Variants in KLHL36 observed in about 807,000 individuals in gnomAD.
KLHL36 encodes the protein kelch like family member 36, also known as kelch-like protein 36.
KLHL36 carries 35 observed loss-of-function variants against 53.3 expected under a neutral mutation model. That is an observed-to-expected ratio of 0.66 (90% CI 0.50 to 0.87). The LOEUF (loss-of-function observed/expected upper bound fraction) is 0.87. Among genes scored for constraint, KLHL36 ranks in the 40% least tolerant of loss-of-function variants. The pLI is 0.00. For missense variants in KLHL36, 864 were observed against 897.6 expected, an observed-to-expected ratio of 0.96 and a Z score of 0.48; for synonymous variants, 472 against 398.9, an observed-to-expected ratio of 1.18 and a Z score of -2.18.
At position 84,656,884 on chromosome 16, in the gene KLHL36, C is replaced by A. The variant is rs977028886; in HGVS notation, c.77C>A (p.Ala26Asp). ...TTCTCTGTCCAGGTATACCGCTGGG[C>A]CGACCACTCAAGCACGGTGCTGCAG... ...ISESSKVYRW[A>D]DHSSTVLQRL... The change falls in exon 3 of 5, where the codon GCC becomes GAC. Residue 26 changes from alanine to aspartate, a missense_variant. Physicochemically the swap from Ala to Asp is moderately radical, Grantham distance 126. Coordinates refer to ENST00000564996, the MANE Select transcript of KLHL36 (RefSeq NM_024731.4). The A allele has an allele frequency of 6.2e-7, 1 of 1,608,112 alleles. No individual in the cohort carries two copies. The highest frequency in any genetic ancestry group is 1.7e-5 in the Admixed American group (1 of 59,922).
chr16:84,661,755 G>C lies in KLHL36; in HGVS notation c.1473G>C (p.Leu491=). ...TARGWHSMCS[L]GDSIYSIGGS... is the part of the protein sequence containing the mutation. ...GCGGCTGGCACAGCATGTGCAGCCT[G>C]GGTGACAGCATCTACTCCATCGGGG... The change falls in exon 5 of 5, where the codon CTG becomes CTC. Residue 491 remains leucine, a synonymous_variant. Transcript: ENST00000564996. This position sits in a 1 kb window ranked among gnomAD's most constrained non-coding sequence, Gnocchi z 7.9. 6.2e-7 allele frequency: 1 copy of C among 1,613,452 alleles called. No individual in the cohort carries two copies. The highest frequency in any genetic ancestry group is 1.1e-5 in the South Asian group (1 of 91,064).
intron 1 of KLHL36, among the ~76,000 whole-genome samples, chr16:84,650,080 T>G (rs1006041983): frequency 6.6e-6 from 1 of 151,008 alleles, no homozygotes; most frequent in Non-Finnish European, 1.5e-5. Flanking sequence ...TGAGCTGGAA[T>G]CCCAATTCTG....
In KLHL36 at chr16:84,657,833, G is replaced by C; in HGVS notation, c.1026G>C (p.Val342=). ...GGCGGAGCCACCACTGTGTCGCGGT[G>C]CTGGGGGGCTTCATCTTCATCGCCG... ...PARRSHHCVA[V]LGGFIFIAGG... Residue 342 remains valine, a synonymous_variant, in exon 3 of 5, where the codon GTG becomes GTC. Transcript: ENST00000564996. 1 of 1,601,290 alleles carries C rather than the reference G, an allele frequency of 6.2e-7. No individual in the cohort carries two copies. Among genetic ancestry groups the C allele is most frequent in the South Asian group, 1.1e-5 (1 of 90,476 alleles).
Position 84,657,023 on chromosome 16 carries a change from C to G in KLHL36, c.216C>G (p.Asn72Lys), listed in dbSNP as rs1490325836. The change falls in exon 3 of 5, where the codon AAC becomes AAG. Residue 72 changes from asparagine to lysine, a missense_variant. Asn to Lys is a moderately conservative substitution (Grantham distance 94, BLOSUM62 0). Coordinates refer to ENST00000564996, the MANE Select transcript of KLHL36 (RefSeq NM_024731.4). ...NLLAVCSDYF[N>K]SMFTIGMREA... The stretch of plus-strand genomic sequence containing the variant: ...TGGCCGTGTGCAGCGACTACTTCAA[C>G]TCCATGTTCACCATCGGCATGCGGG... 6.2e-7 allele frequency: 1 copy of G among 1,614,172 alleles called. No individual in the cohort carries two copies. The highest frequency in any genetic ancestry group is 1.1e-5 in the South Asian group (1 of 91,088).
At chr16:84,651,798 G>A (rs557257301) in intron 2 of KLHL36, among the ~76,000 whole-genome samples, 1 of 152,244 alleles carries the variant, frequency 6.6e-6, no homozygotes, top group African/African-American at 2.4e-5. Context: ...CAGACATACA[G>A]TGCATCTGTG....
chr16:84,657,990 G>C, intron 3 of KLHL36, 46 bp downstream of exon 3: 1 of 1,390,198 alleles, frequency 7.2e-7, no homozygotes, highest in Non-Finnish European at 9.6e-7. Flanking sequence ...GGACTCTCTC[G>C]GTTTCCTTAA....
In KLHL36 at chr16:84,655,981, C is replaced by T. The variant is rs117298488; in HGVS notation, c.64-890C>T. 1.3e-4 allele frequency among the ~76,000 whole-genome samples: 20 copies of T among 152,182 alleles called. No individual in the cohort carries two copies. In the East Asian group the frequency reaches 3.3e-3, roughly 25 times the overall value. ...AATCATGGCTCACTGCAGCCTCAAG[C>T]TCCTGGGCTTGAGCGATCCTCCTGC... is the stretch of plus-strand genomic sequence containing the variant. On this transcript the variant is annotated intron_variant, in intron 2 of 4. Coordinates refer to ENST00000564996, the MANE Select transcript of KLHL36 (RefSeq NM_024731.4).
In KLHL36 at chr16:84,657,048, G is replaced by A; in HGVS notation, c.241G>A (p.Glu81Lys). 6.2e-7 allele frequency: 1 copy of A among 1,614,224 alleles called. No homozygotes were observed. Among genetic ancestry groups the A allele is most frequent in the Non-Finnish European group, 8.5e-7 (1 of 1,180,040 alleles). The stretch of plus-strand genomic sequence containing the variant: ...CTCCATGTTCACCATCGGCATGCGG[G>A]AAGCTTTCCAGAAGGAGGTGGAGCT... Reference protein sequence around the residue: ...FNSMFTIGMREAFQKEVELIG... With the variant: ...FNSMFTIGMRKAFQKEVELIG... Residue 81 changes from glutamate (E) to lysine (K), a missense_variant, in exon 3 of 5, where the codon GAA becomes AAA. Coordinates refer to ENST00000564996, the MANE Select transcript of KLHL36 (RefSeq NM_024731.4).
chr16:84,661,751 G>C lies in KLHL36; in HGVS notation c.1469G>C (p.Ser490Thr). ...TTARGWHSMC[S>T]LGDSIYSIGG... ...GCGCGCGGCTGGCACAGCATGTGCA[G>C]CCTGGGTGACAGCATCTACTCCATC... Residue 490 changes from serine to threonine, a missense_variant, in exon 5 of 5, where the codon AGC (serine) becomes ACC (threonine). Coordinates refer to ENST00000564996, the MANE Select transcript of KLHL36 (RefSeq NM_024731.4). The surrounding 1 kb of genome is among the most constrained non-coding windows in gnomAD (Gnocchi z 7.9). The C allele has an allele frequency of 1.2e-6, 2 of 1,613,494 alleles. No homozygotes were observed. Among genetic ancestry groups the C allele is most frequent in the Non-Finnish European group, 1.7e-6 (2 of 1,179,924 alleles).
Position 84,661,112 on chromosome 16 carries a change from T to C in KLHL36, c.1296-466T>C, listed in dbSNP as rs4782649. ...ATCCCTCCCTCCCCTCTCCCCACAG[T>C]CCTGGCAGCCACTGATTTTGCTGTC... On this transcript the variant is annotated intron_variant, in intron 4 of 4. Coordinates refer to ENST00000564996, the MANE Select transcript of KLHL36 (RefSeq NM_024731.4). This position sits in a 1 kb window ranked among gnomAD's most constrained non-coding sequence, Gnocchi z 7.9. 0.46 allele frequency among the ~76,000 whole-genome samples: 69,846 copies of C among 152,026 alleles called. 16,710 individuals carry two copies. The highest frequency in any genetic ancestry group is 0.59 in the South Asian group (2,867 of 4,830).
Position 84,665,450 on chromosome 16 carries a change from C to T in KLHL36, c.*3317C>T, listed in dbSNP as rs567812673. 19 of 152,142 alleles carry T rather than the reference C, an allele frequency of 1.2e-4. No individual in the cohort carries two copies. The highest frequency in any genetic ancestry group is 3.4e-3 in the Middle Eastern group (1 of 294). 9.4% of individuals were successfully genotyped at this position (152,142 alleles called of 1,614,324 possible). ...GGGAGGGAGTAGAAAGCTGATGAACCCTTGTTACTTATAGCAAACTTCCTG... is the reference window on the plus strand; with the variant it reads ...GGGAGGGAGTAGAAAGCTGATGAACTCTTGTTACTTATAGCAAACTTCCTG... On this transcript the variant is annotated 3_prime_UTR_variant, in exon 5 of 5. Coordinates refer to ENST00000564996, the MANE Select transcript of KLHL36 (RefSeq NM_024731.4).
intron 3 of KLHL36, chr16:84,658,728 C>G (rs769702857): frequency 6.6e-6 from 1 of 152,322 alleles, no homozygotes; most frequent in African/African-American, 2.4e-5. Context: ...TCCAGCCACT[C>G]GGTCCCCGGG....
chr16:84,657,222 C>G lies in KLHL36; in HGVS notation c.415C>G (p.Leu139Val), dbSNP rs756336495. 7.4e-6 allele frequency: 12 copies of G among 1,614,204 alleles called. No homozygotes were observed. Among genetic ancestry groups the G allele is most frequent in the Non-Finnish European group, 9.3e-6 (11 of 1,180,022 alleles). Residue 139 changes from leucine (L) to valine (V), a missense_variant, in exon 3 of 5, where the codon CTG becomes GTG. Leu to Val is a conservative substitution (Grantham distance 32, BLOSUM62 1). Coordinates refer to ENST00000564996, the MANE Select transcript of KLHL36 (RefSeq NM_024731.4). Reference protein sequence around the residue: ...WTVVDFCCEYLEQEVSEDNYL... With the variant: ...WTVVDFCCEYVEQEVSEDNYL... ...GGTGGTAGACTTCTGCTGTGAGTAC[C>G]TGGAGCAGGAGGTGAGCGAGGACAA...
At chr16:84,658,454 T>C (rs1345837540) in intron 3 of KLHL36, 4 of 152,440 alleles carry the variant, frequency 2.6e-5, no homozygotes, top group African/African-American at 9.6e-5. Context: ...TTTTGGGAGA[T>C]AGTTTAAGGA....
At chr16:84,653,986 T>A (rs1039429672) in intron 2 of KLHL36, among the ~76,000 whole-genome samples, 7 of 152,100 alleles carry the variant, frequency 4.6e-5, no homozygotes, top group Non-Finnish European at 1.0e-4. Context: ...GAAACCCAGT[T>A]TTGGAAACAA....
At chr16:84,652,439 T>G (rs572931073) in intron 2 of KLHL36, among the ~76,000 whole-genome samples, 1 of 152,164 alleles carries the variant, frequency 6.6e-6, no homozygotes, top group Non-Finnish European at 1.5e-5. Context: ...CCCAGCTAAT[T>G]TTTGTATTTT....
In KLHL36 at chr16:84,657,778, A is replaced by G; in HGVS notation, c.971A>G (p.Gln324Arg). 2 of 1,609,704 alleles carry G rather than the reference A, an allele frequency of 1.2e-6. No homozygotes were observed. Among genetic ancestry groups the G allele is most frequent in the Non-Finnish European group, 1.7e-6 (2 of 1,177,730 alleles). ...TGCTACCTGGACGCCAAGAGCGAGC[A>G]GTGGGTCAAAGAGACGCCGCTGCCC... The part of the protein sequence containing the change: ...DTCYLDAKSE[Q>R]WVKETPLPAR... Residue 324 changes from glutamine (Q) to arginine (R), a missense_variant, in exon 3 of 5, where the codon CAG becomes CGG. Gln to Arg is a conservative substitution (Grantham distance 43). Transcript: ENST00000564996.
At position 84,648,655 on chromosome 16, in the gene KLHL36, C is replaced by T. The variant is rs1328422404; in HGVS notation, c.-17+6C>T. 1 of 147,818 alleles carries T rather than the reference C, an allele frequency of 6.8e-6. No homozygotes were observed. The highest frequency in any genetic ancestry group is 1.5e-5 in the Non-Finnish European group (1 of 66,054). The allele number at this position is 147,818 out of a possible 1,614,324, so 9.2% of individuals were successfully genotyped here. On this transcript the variant is annotated splice_donor_region_variant and intron_variant, in intron 1 of 4. Coordinates refer to ENST00000564996, the MANE Select transcript of KLHL36 (RefSeq NM_024731.4). The surrounding 1 kb of genome is among the most constrained non-coding windows in gnomAD (Gnocchi z 4.9). ...TCCGTAGCGCGTCCTGCCAGGTGGG[C>T]CTCCGCGCGCGCCCACCCTCCAGCC...
At chr16:84,660,458 G>A (rs995075989) in intron 4 of KLHL36, among the ~76,000 whole-genome samples, 1 of 152,162 alleles carries the variant, frequency 6.6e-6, no homozygotes, top group Non-Finnish European at 1.5e-5. Flanking sequence ...GTTCCGATGT[G>A]CATGTATCGA....
Sources: gnomAD v4.1 joint callset for allele counts (sites outside exome capture counted in the v4.1 genomes callset) on GRCh38, gnomAD v4.1.1 for gene constraint, Gnocchi (gnomAD v3.1) non-coding constraint, MANE v1.5 for transcripts, NCBI Gene and HGNC (gene_info 2026-07-23, HGNC 2026-07-21) for gene names.